The following CCDC60 variants were observed in gnomAD, a reference collection of about 807,000 sequenced individuals.
CCDC60 encodes coiled-coil domain containing 60.
Under a neutral mutation model 63.5 loss-of-function variants are expected in CCDC60, and 54 were observed. The observed-to-expected ratio is 0.85, with a 90% CI of 0.68 to 1.07. The LOEUF is 1.07. Among genes scored for constraint, CCDC60 ranks in the 50% least tolerant of loss-of-function variants. The probability of loss-of-function intolerance (pLI) is 0.00; values close to 1 mark genes in which losing one functional copy is unlikely to be tolerated. For missense variants in CCDC60, 651 were observed against 684.3 expected, an observed-to-expected ratio of 0.95 and a Z score of 0.54; for synonymous variants, 206 against 238.8, an observed-to-expected ratio of 0.86 and a Z score of 1.27.
intron 5 of CCDC60, among the ~76,000 whole-genome samples, chr12:119,492,212 T>C (rs1008631730): frequency 6.6e-6 from 1 of 152,194 alleles, no homozygotes; most frequent in Non-Finnish European, 1.5e-5. Flanking sequence ...TTAGGGTCAA[T>C]GACAATGCTG....
At chr12:119,382,491 T>C (rs959164531) in intron 1 of CCDC60, among the ~76,000 whole-genome samples, 10 of 150,714 alleles carry the variant, frequency 6.6e-5, no homozygotes, top group Non-Finnish European at 1.5e-4. Context: ...GGGAAAAGTA[T>C]TCGTAACAGG....
chr12:119,453,733 G>A (rs1950675555), intron 2 of CCDC60, among the ~76,000 whole-genome samples: 1 of 152,072 alleles, frequency 6.6e-6, no homozygotes. Context: ...AGTTGTACCA[G>A]AAGGCATTCA....
At chr12:119,383,355 C>T (rs1221688104) in intron 1 of CCDC60, among the ~76,000 whole-genome samples, 1 of 152,204 alleles carries the variant, frequency 6.6e-6, no homozygotes, top group East Asian at 1.9e-4. Context: ...ATTTCAGAGA[C>T]AGGAAGCTAT....
intron 1 of CCDC60, among the ~76,000 whole-genome samples, chr12:119,352,914 T>A (rs1412542935): frequency 6.6e-6 from 1 of 152,044 alleles, no homozygotes; most frequent in African/African-American, 2.4e-5. Context: ...TACTCCAGCC[T>A]GGGTAACAGA....
At chr12:119,480,606 C>T (rs1238651431) in intron 4 of CCDC60, among the ~76,000 whole-genome samples, 1 of 151,552 alleles carries the variant, frequency 6.6e-6, no homozygotes, top group Non-Finnish European at 1.5e-5. Context: ...TCATCACCAT[C>T]ACCATCATCA....
intron 1 of CCDC60, among the ~76,000 whole-genome samples, chr12:119,366,291 C>T (rs1243259149): frequency 1.3e-5 from 2 of 152,192 alleles, no homozygotes; most frequent in African/African-American, 2.4e-5. Flanking sequence ...ATATACTAAG[C>T]TCCATTTTAT....
chr12:119,341,710 A>G (rs184392498), intron 1 of CCDC60, among the ~76,000 whole-genome samples: 69 of 152,338 alleles, frequency 4.5e-4, no homozygotes, highest in Non-Finnish European at 7.5e-4. Flanking sequence ...GATGAAGTCT[A>G]GAGGAAACTG....
chr12:119,378,096 C>A (rs1261428349), intron 1 of CCDC60, among the ~76,000 whole-genome samples: 1 of 152,212 alleles, frequency 6.6e-6, no homozygotes, highest in Non-Finnish European at 1.5e-5. Flanking sequence ...CCCGAGAGAT[C>A]AGTCGGACCA....
At chr12:119,373,848 A>G (rs1377768892) in intron 1 of CCDC60, among the ~76,000 whole-genome samples, 1 of 152,150 alleles carries the variant, frequency 6.6e-6, no homozygotes, top group Admixed American at 6.5e-5. Flanking sequence ...TACATTTTTC[A>G]CGTTTCATTT....
At chr12:119,417,617 T>C (rs1956725855) in intron 1 of CCDC60, among the ~76,000 whole-genome samples, 1 of 152,132 alleles carries the variant, frequency 6.6e-6, no homozygotes, top group African/African-American at 2.4e-5. Context: ...AGCAGGTGCA[T>C]AGTGGCCCCA....
At chr12:119,489,026 A>T (rs533962095) in intron 5 of CCDC60, among the ~76,000 whole-genome samples, 160 bp downstream of exon 5, 3 of 152,326 alleles carry the variant, frequency 2.0e-5, no homozygotes, top group African/African-American at 7.2e-5. Context: ...GGAGAACTAG[A>T]GACAGCTTAT....
chr12:119,523,028 C>T, intron 10 of CCDC60, 27 bp downstream of exon 10: 2 of 1,603,870 alleles, frequency 1.2e-6, no homozygotes, highest in South Asian at 1.1e-5. Flanking sequence ...ATGGAAGGAA[C>T]CACGCAAGAG....
intron 13 of CCDC60, among the ~76,000 whole-genome samples, chr12:119,535,684 T>C (rs925720856): frequency 1.3e-5 from 2 of 152,224 alleles, no homozygotes; most frequent in Non-Finnish European, 2.9e-5. Context: ...CCAGTAGTCA[T>C]TCAGGAGCAG....
chr12:119,479,240 T>G (rs954488220), intron 4 of CCDC60, 39 bp downstream of exon 4: 2 of 1,466,872 alleles, frequency 1.4e-6, no homozygotes, highest in Non-Finnish European at 1.9e-6. Context: ...CTTTGCTAGC[T>G]TATAAATTGA....
intron 1 of CCDC60, among the ~76,000 whole-genome samples, chr12:119,384,150 C>T (rs1593006718): frequency 6.6e-6 from 1 of 151,610 alleles, no homozygotes; most frequent in East Asian, 1.9e-4. Flanking sequence ...GAGCTGACAT[C>T]GTGCCACTAC....
intron 1 of CCDC60, among the ~76,000 whole-genome samples, chr12:119,353,101 A>G (rs977808694): frequency 1.3e-5 from 2 of 151,760 alleles, no homozygotes. Context: ...GACACTGTTC[A>G]CCTCAGATGC....
intron 2 of CCDC60, among the ~76,000 whole-genome samples, chr12:119,459,816 C>G (rs7135233): frequency 1.6e-3 from 251 of 152,310 alleles, no homozygotes; most frequent in African/African-American, 5.7e-3. Flanking sequence ...TTCTTAAGCC[C>G]CTGCCCACCA....
chr12:119,488,833 C>T lies in CCDC60; in HGVS notation c.524C>T (p.Thr175Ile), dbSNP rs894334706. 15 of 1,614,066 alleles carry T rather than the reference C, an allele frequency of 9.3e-6. No individual in the cohort carries two copies. In the African/African-American group the frequency reaches 1.7e-4, roughly 19 times the overall value. Residue 175 changes from threonine to isoleucine, a missense_variant, in exon 5 of 14, where the codon ACC becomes ATC. Physicochemically the swap from Thr to Ile is moderately conservative, Grantham distance 89. Transcript: ENST00000327554. ...CTGACTATTGACCACACCCACCACA[C>T]CATGAAGCCTGTGATCACCTGCTGG... ...EALTIDHTHH[T>I]MKPVITCWNP...
intron 1 of CCDC60, among the ~76,000 whole-genome samples, chr12:119,344,257 G>C (rs1955563914): frequency 6.6e-6 from 1 of 152,006 alleles, no homozygotes; most frequent in African/African-American, 2.4e-5. Flanking sequence ...GTCCTCAGGG[G>C]GCAAGACCAT....
Sources: gnomAD v4.1 joint callset for allele counts (sites outside exome capture counted in the v4.1 genomes callset) on GRCh38, gnomAD v4.1.1 for gene constraint, MANE v1.5 for transcripts, NCBI Gene and HGNC (gene_info 2026-07-23, HGNC 2026-07-21) for gene names.